Variants in PDE1C observed in about 807,000 individuals in gnomAD.
PDE1C encodes the protein dual specificity calcium/calmodulin-dependent 3',5'-cyclic nucleotide phosphodiesterase 1C.
Under a neutral mutation model 93.1 loss-of-function variants are expected in PDE1C, and 62 were observed. That is an observed-to-expected ratio of 0.67 (90% confidence interval 0.54 to 0.82). The LOEUF (loss-of-function observed/expected upper bound fraction) is 0.82, where lower values mean the gene tolerates loss of function less well. PDE1C is among the 40% of genes least tolerant of loss of function. The probability of loss-of-function intolerance (pLI) is 0.00; values close to 1 mark genes in which losing one functional copy is unlikely to be tolerated. For synonymous variants in PDE1C, 325 were observed against 310.1 expected (o/e 1.05, Z -0.50); for missense variants, 742 against 884.6 (o/e 0.84, Z 2.04).
chr7:32,282,024 G>A (rs1466750427), intron 1 of PDE1C, among the ~76,000 whole-genome samples: 1 of 152,036 alleles, frequency 6.6e-6, no homozygotes, highest in African/African-American at 2.4e-5. Flanking sequence ...GTAGGGGACG[G>A]GGAGAGATAG....
the PDE1C span, chr7:31,687,093 T>C: frequency 6.6e-6 from 1 of 152,390 alleles, no homozygotes; most frequent in African/African-American, 2.4e-5. Context: ...AGAGCAGCGA[T>C]GGAGATGTTA....
chr7:31,870,885 A>T (rs537188842), intron 6 of PDE1C, among the ~76,000 whole-genome samples: 2 of 151,778 alleles, frequency 1.3e-5, no homozygotes, highest in African/African-American at 4.8e-5. Context: ...TAACCAAAAC[A>T]CTATATATTA....
chr7:32,357,337 C>CAA (rs568512050), intron 1 of PDE1C, among the ~76,000 whole-genome samples: 23 of 146,864 alleles, frequency 1.6e-4, no homozygotes, highest in African/African-American at 3.0e-4. Context: ...CCATCACACA[C>CAA]AAAAAAAAAA....
chr7:32,174,312 A>G (rs78008556), intron 2 of PDE1C, among the ~76,000 whole-genome samples: 1 of 152,188 alleles, frequency 6.6e-6, no homozygotes, highest in South Asian at 2.1e-4. Context: ...TCGCCCTAGA[A>G]ATGGAAAGAT....
chr7:32,410,898 T>C (rs534106848), intron 1 of PDE1C, among the ~76,000 whole-genome samples: 4 of 152,328 alleles, frequency 2.6e-5, no homozygotes, highest in South Asian at 4.1e-4. Context: ...ACATCCCTTG[T>C]AGGTTCCCTT....
chr7:32,223,597 A>C (rs1252028014), intron 1 of PDE1C, among the ~76,000 whole-genome samples: 1 of 152,124 alleles, frequency 6.6e-6, no homozygotes, highest in Non-Finnish European at 1.5e-5. Flanking sequence ...AGCACCTATC[A>C]ATATCTAGAA....
At chr7:32,014,469 ATTTAT>A (rs140356296) in intron 2 of PDE1C, among the ~76,000 whole-genome samples, 24,526 of 151,504 alleles carry the variant, frequency 0.16, 2,511 homozygotes, top group East Asian at 0.36. Flanking sequence ...CTTTTTTTTT[ATTTAT>A]TTTAAGTTCT....
At chr7:32,127,958 G>A (rs543069673) in intron 3 of PDE1C, among the ~76,000 whole-genome samples, 55 of 151,846 alleles carry the variant, frequency 3.6e-4, no homozygotes, top group Admixed American at 9.2e-4. Flanking sequence ...TTACCCAATC[G>A]GATAATAATA....
At chr7:32,424,264 T>C (rs920638711) in intron 1 of PDE1C, among the ~76,000 whole-genome samples, 1 of 152,128 alleles carries the variant, frequency 6.6e-6, no homozygotes, top group Admixed American at 6.5e-5. Flanking sequence ...ACACAACAAA[T>C]CCCATAGGCT....
chr7:31,796,243 C>T (rs1785288129), intron 16 of PDE1C, among the ~76,000 whole-genome samples: 2 of 150,428 alleles, frequency 1.3e-5, no homozygotes. Context: ...CATCATATAT[C>T]AGATATATCA....
the PDE1C span, chr7:31,692,492 G>A: frequency 6.2e-7 from 1 of 1,610,936 alleles, no homozygotes; most frequent in Non-Finnish European, 8.5e-7. Context: ...AAGACAGACT[G>A]GACAAGCTAG....
At chr7:32,076,540 G>A (rs1029159437) in intron 3 of PDE1C, among the ~76,000 whole-genome samples, 13 of 151,924 alleles carry the variant, frequency 8.6e-5, no homozygotes, top group Admixed American at 5.9e-4. Context: ...CTGCTCAGAA[G>A]GCTAAGGCAC....
chr7:32,363,241 C>T (rs1181666517), intron 1 of PDE1C, among the ~76,000 whole-genome samples: 3 of 152,198 alleles, frequency 2.0e-5, no homozygotes, highest in Non-Finnish European at 4.4e-5. Context: ...ATGATCATCT[C>T]ATTGTATGTA....
intron 2 of PDE1C, among the ~76,000 whole-genome samples, chr7:32,019,846 G>A (rs186207122): frequency 3.2e-4 from 49 of 152,242 alleles, no homozygotes; most frequent in African/African-American, 1.0e-3. Flanking sequence ...AGCAAACCTG[G>A]AATAAAAAGT....
At chr7:31,763,602 G>T (rs1794962555) in intron 17 of PDE1C, among the ~76,000 whole-genome samples, 1 of 152,174 alleles carries the variant, frequency 6.6e-6, no homozygotes, top group African/African-American at 2.4e-5. Flanking sequence ...GCCTTCCATG[G>T]TTGTGGTGAG....
chr7:31,862,243 T>A (rs1285610678), intron 7 of PDE1C, among the ~76,000 whole-genome samples: 2 of 152,222 alleles, frequency 1.3e-5, no homozygotes, highest in Non-Finnish European at 2.9e-5. Flanking sequence ...AATAACATTT[T>A]CTTGATTGCT....
chr7:32,168,501 A>C (rs935330521), intron 3 of PDE1C, among the ~76,000 whole-genome samples: 10 of 152,188 alleles, frequency 6.6e-5, no homozygotes, highest in African/African-American at 2.4e-4. Flanking sequence ...AGGAGAAGGG[A>C]TTGACTCCAT....
At chr7:32,408,225 C>G (rs1465929958) in intron 1 of PDE1C, among the ~76,000 whole-genome samples, 9 of 152,298 alleles carry the variant, frequency 5.9e-5, no homozygotes, top group Admixed American at 3.9e-4. Context: ...TGTGACCTAC[C>G]TGCTCCATCC....
intron 1 of PDE1C, among the ~76,000 whole-genome samples, chr7:32,420,116 TATATATATACACACACACACACAC>T (rs1376334595): frequency 6.8e-5 from 2 of 29,588 alleles, no homozygotes; most frequent in Non-Finnish European, 1.3e-4. Flanking sequence ...TATATATATA[TATATATATACACACACACACACAC>T]ACACACACAC....
Sources: gnomAD v4.1 joint callset for allele counts (sites outside exome capture counted in the v4.1 genomes callset) on GRCh38, gnomAD v4.1.1 for gene constraint, MANE v1.5 for transcripts, NCBI Gene and HGNC (gene_info 2026-07-23, HGNC 2026-07-21) for gene names.